Variants in LY86 observed in about 807,000 individuals in gnomAD.
LY86 encodes the protein lymphocyte antigen 86.
In LY86, 20 loss-of-function variants were observed where a neutral mutation model predicts 17.3. That is an observed-to-expected ratio of 1.15 (90% CI 0.81 to 1.68). LY86 has a LOEUF of 1.68. Among genes scored for constraint, LY86 ranks in the 40% most tolerant of loss-of-function variants. The probability of loss-of-function intolerance (pLI) is 0.00; values close to 1 mark genes in which losing one functional copy is unlikely to be tolerated. For missense variants in LY86, 200 were observed against 191.9 expected (o/e 1.04, Z -0.25); for synonymous variants, 74 against 70.6 (o/e 1.05, Z -0.24).
chr6:6,613,268 G>A (rs975718419), intron 1 of LY86, among the ~76,000 whole-genome samples: 1 of 150,586 alleles, frequency 6.6e-6, no homozygotes, highest in South Asian at 2.1e-4. Context: ...ATCCCGCGCC[G>A]TGCGCCCGCA....
chr6:6,631,636 T>C lies in LY86; in HGVS notation c.352+5215T>C, dbSNP rs536840487. Among the ~76,000 whole-genome samples the C allele has an allele frequency of 4.3e-4, 66 of 152,312 alleles. No homozygotes were observed. The South Asian group carries it at 0.01, about 24-fold the overall frequency. On this transcript the variant is annotated intron_variant, in intron 3 of 4. Transcript: ENST00000230568. The stretch of plus-strand genomic sequence containing the variant: ...ACGTACTGAATCAGAAGCTCTGGGG[T>C]TGGGGCTTAGTGATCTGTATTTTAA...
intron 3 of LY86, among the ~76,000 whole-genome samples, chr6:6,635,199 C>T (rs982520668): frequency 1.3e-5 from 2 of 152,186 alleles, no homozygotes; most frequent in African/African-American, 4.8e-5. Context: ...TCTCCTCTTA[C>T]CTGATAGGGA....
intron 4 of LY86, among the ~76,000 whole-genome samples, chr6:6,653,928 G>T (rs553875694): frequency 5.3e-5 from 8 of 152,240 alleles, no homozygotes; most frequent in African/African-American, 1.9e-4. Context: ...CTCCCATCTG[G>T]GCTTTTCAGT....
chr6:6,647,908 A>C (rs539052787), intron 3 of LY86, among the ~76,000 whole-genome samples: 1 of 152,118 alleles, frequency 6.6e-6, no homozygotes, highest in African/African-American at 2.4e-5. Flanking sequence ...TTGTATAGCC[A>C]ACTGCTTCCA....
intron 1 of LY86, among the ~76,000 whole-genome samples, chr6:6,603,632 A>ACAC (rs1760995872): frequency 7.4e-6 from 1 of 135,870 alleles, no homozygotes; most frequent in Non-Finnish European, 1.6e-5. Context: ...AAAAAAACAA[A>ACAC]ACACACACAC....
chr6:6,633,125 A>C (rs1490513631), intron 3 of LY86, among the ~76,000 whole-genome samples: 2 of 152,234 alleles, frequency 1.3e-5, no homozygotes, highest in Admixed American at 1.3e-4. Context: ...TGTAAGATGT[A>C]CTGTGGAGCC....
At chr6:6,629,067 C>T (rs1761854187) in intron 3 of LY86, among the ~76,000 whole-genome samples, 1 of 152,194 alleles carries the variant, frequency 6.6e-6, no homozygotes, top group African/African-American at 2.4e-5. Context: ...AGTTTAGCAG[C>T]TCAAAAGGCT....
At chr6:6,645,284 T>C (rs1762092906) in intron 3 of LY86, among the ~76,000 whole-genome samples, 1 of 152,204 alleles carries the variant, frequency 6.6e-6, no homozygotes, top group Non-Finnish European at 1.5e-5. Context: ...GTTACTGTTT[T>C]TCACACCTGG....
intron 2 of LY86, 76 bp downstream of exon 2, chr6:6,625,088 G>A (rs1270244999): frequency 4.6e-6 from 3 of 649,576 alleles, no homozygotes; most frequent in Non-Finnish European, 2.7e-6. Flanking sequence ...AATGACTTAT[G>A]TTAACTGTAA....
chr6:6,639,392 G>A (rs80279309), intron 3 of LY86, among the ~76,000 whole-genome samples: 6,851 of 152,218 alleles, frequency 0.045, 162 homozygotes, highest in South Asian at 0.063. Flanking sequence ...ATCCAAGGCC[G>A]CTGTATTAGC....
chr6:6,611,214 G>A (rs2113114671), intron 1 of LY86, among the ~76,000 whole-genome samples: 1 of 152,304 alleles, frequency 6.6e-6, no homozygotes, highest in East Asian at 1.9e-4. Flanking sequence ...CAAACGTGAA[G>A]TTCCCAGAAT....
At chr6:6,649,048 G>C (rs1369330490) in intron 3 of LY86, among the ~76,000 whole-genome samples, 5 of 152,168 alleles carry the variant, frequency 3.3e-5, no homozygotes, top group Non-Finnish European at 5.9e-5. Flanking sequence ...AATTTATAAA[G>C]AAAAAGAGGT....
chr6:6,612,159 A>T (rs1244495741), intron 1 of LY86, among the ~76,000 whole-genome samples: 1 of 148,434 alleles, frequency 6.7e-6, no homozygotes, highest in Non-Finnish European at 1.5e-5. Flanking sequence ...ATGTGTCCAC[A>T]ATTTGGGGGT....
chr6:6,592,654 G>A (rs951349083), intron 1 of LY86, among the ~76,000 whole-genome samples: 7 of 152,148 alleles, frequency 4.6e-5, no homozygotes, highest in Non-Finnish European at 1.0e-4. Context: ...TCATGAGAAT[G>A]GAGACTTCAT....
chr6:6,612,022 G>A (rs536323423), intron 1 of LY86, among the ~76,000 whole-genome samples: 52 of 59,320 alleles, frequency 8.8e-4, no homozygotes, highest in Admixed American at 1.4e-3. Flanking sequence ...TAATCTTTGT[G>A]GTCTCTTGTA....
Position 6,635,994 on chromosome 6 carries a change from C to A in LY86, c.352+9573C>A, listed in dbSNP as rs554689807. The stretch of plus-strand genomic sequence containing the variant: ...GGAGAGCAGAGACCTTAGCCCAGTC[C>A]AGTGGTTCTCAACCTTGAGCAGGCA... On this transcript the variant is annotated intron_variant, in intron 3 of 4. Coordinates refer to ENST00000230568, the MANE Select transcript of LY86 (RefSeq NM_004271.4). Among the ~76,000 whole-genome samples the A allele has an allele frequency of 6.2e-4, 94 of 152,342 alleles. 1 individual carries two copies. The highest frequency in any genetic ancestry group is 2.2e-3 in the African/African-American group (90 of 41,580).
At chr6:6,616,157 G>C (rs1390554592) in intron 1 of LY86, among the ~76,000 whole-genome samples, 1 of 152,248 alleles carries the variant, frequency 6.6e-6, no homozygotes, top group East Asian at 1.9e-4. Flanking sequence ...CCTTTGGGTT[G>C]AGAAAAGCAG....
At chr6:6,598,471 A>C (rs1161441299) in intron 1 of LY86, among the ~76,000 whole-genome samples, 2 of 152,228 alleles carry the variant, frequency 1.3e-5, no homozygotes, top group African/African-American at 2.4e-5. Context: ...GATAAAGGCT[A>C]TCTCTTCAGA....
chr6:6,603,246 T>C (rs956936430), intron 1 of LY86, among the ~76,000 whole-genome samples: 3 of 152,090 alleles, frequency 2.0e-5, no homozygotes, highest in African/African-American at 7.2e-5. Flanking sequence ...AACATATAAA[T>C]CTGGGAGGAC....
Sources: allele counts gnomAD v4.1 joint callset (sites outside exome capture counted in the v4.1 genomes callset), GRCh38; gene constraint gnomAD v4.1.1; transcripts MANE v1.5; gene names NCBI Gene and HGNC (gene_info 2026-07-23, HGNC 2026-07-21).